Variants in SLC14A2 observed in about 807,000 individuals in gnomAD.
SLC14A2 encodes the protein solute carrier family 14 member 2.
SLC14A2 carries 91 observed loss-of-function variants against 104.6 expected under a neutral mutation model. That is an observed-to-expected ratio of 0.87 (90% confidence interval 0.73 to 1.04). The LOEUF is 1.04. Among genes scored for constraint, SLC14A2 ranks in the 50% least tolerant of loss-of-function variants. The pLI, the probability that SLC14A2 is intolerant of heterozygous loss-of-function variation, is 0.00. For missense variants in SLC14A2, 1,189 were observed against 1,156.0 expected, an observed-to-expected ratio of 1.03 and a Z score of -0.41; for synonymous variants, 476 against 466.4, an observed-to-expected ratio of 1.02 and a Z score of -0.27.
chr18:45,281,642 T>A (rs2084763582), intron 1 of SLC14A2, among the ~76,000 whole-genome samples: 1 of 152,174 alleles, frequency 6.6e-6, no homozygotes, highest in East Asian at 1.9e-4. Context: ...GGGGGTGCAA[T>A]TTAGAAGTAT....
chr18:45,518,898 A>G (rs956296637), intron 2 of SLC14A2, among the ~76,000 whole-genome samples: 1 of 152,168 alleles, frequency 6.6e-6, no homozygotes, highest in Non-Finnish European at 1.5e-5. Flanking sequence ...GGAAAACGAG[A>G]TGTGTCCACT....
At position 45,673,671 on chromosome 18, in the gene SLC14A2, C is replaced by G. The variant is rs995856370; in HGVS notation, c.2378-12C>G. The G allele has an allele frequency of 1.9e-6, 3 of 1,612,666 alleles. No individual in the cohort carries two copies. The highest frequency in any genetic ancestry group is 2.5e-6 in the Non-Finnish European group (3 of 1,178,766). On this transcript the variant is annotated splice_polypyrimidine_tract_variant and intron_variant, in intron 17 of 19. Coordinates refer to ENST00000255226, the MANE Select transcript of SLC14A2 (RefSeq NM_007163.4). Reference sequence around the variant, plus strand: ...CCCTAGACCCAACCCTGATGCCTGCCTTCTGTCACAGCACTCACTATTGCG... The same window carrying G: ...CCCTAGACCCAACCCTGATGCCTGCGTTCTGTCACAGCACTCACTATTGCG...
the SLC14A2 span, among the ~76,000 whole-genome samples, chr18:45,203,448 T>C: frequency 8.5e-5 from 13 of 152,294 alleles, no homozygotes; most frequent in African/African-American, 2.9e-4. Flanking sequence ...GAAATCCTTC[T>C]TTTCCACCTG....
At chr18:45,382,954 G>C (rs538337296) in intron 1 of SLC14A2, among the ~76,000 whole-genome samples, 8 of 152,278 alleles carry the variant, frequency 5.3e-5, no homozygotes, top group African/African-American at 1.7e-4. Context: ...GGTTGATATT[G>C]GTTGTCTCCA....
At chr18:45,587,601 C>A (rs767746950) in intron 2 of SLC14A2, among the ~76,000 whole-genome samples, 7 of 152,150 alleles carry the variant, frequency 4.6e-5, no homozygotes, top group Non-Finnish European at 1.0e-4. Context: ...GATACAGAAC[C>A]TTTCAAGGCA....
chr18:45,549,515 CA>C (rs1188886120), intron 2 of SLC14A2, among the ~76,000 whole-genome samples: 3 of 152,214 alleles, frequency 2.0e-5, no homozygotes, highest in Admixed American at 6.5e-5. Context: ...GGGAGGGAAG[CA>C]GGGGGGAAGA....
chr18:45,522,139 C>T (rs1231905155), intron 2 of SLC14A2, among the ~76,000 whole-genome samples: 1 of 152,200 alleles, frequency 6.6e-6, no homozygotes, highest in Non-Finnish European at 1.5e-5. Flanking sequence ...CCATCCTTCA[C>T]GTGGGGTTAC....
chr18:45,446,482 C>T (rs528665043), intron 1 of SLC14A2, among the ~76,000 whole-genome samples: 1 of 152,300 alleles, frequency 6.6e-6, no homozygotes, highest in East Asian at 1.9e-4. Flanking sequence ...ATGCTGGCAC[C>T]CTTGTCTTAG....
chr18:45,645,280 A>G (rs1390353914), intron 10 of SLC14A2, among the ~76,000 whole-genome samples: 2 of 152,092 alleles, frequency 1.3e-5, no homozygotes, highest in Admixed American at 6.6e-5. Context: ...TTGCTATTGT[A>G]TACAGTGCTG....
At chr18:45,178,357 AAGT>A in the SLC14A2 span, among the ~76,000 whole-genome samples, 4 of 152,306 alleles carry the variant, frequency 2.6e-5, no homozygotes, top group South Asian at 6.2e-4. Context: ...ATAAAAACAT[AAGT>A]AGATGAAATG....
At chr18:45,208,380 C>A (rs58235358), upstream of SLC14A2, among the ~76,000 whole-genome samples, 1,702 of 152,212 alleles carry the variant, frequency 0.011, 37 homozygotes, top group African/African-American at 0.039. Context: ...ACCCTGCTTG[C>A]GGACGTTCAT....
chr18:45,486,098 T>C lies in SLC14A2; in HGVS notation c.-35+2776T>C, dbSNP rs149060917. ...TGCTTTGAAAAGCATACCATCTAGA[T>C]AAGTGTGGAAGAAAGTCATCATTAG... On this transcript the variant is annotated intron_variant, in intron 2 of 20. Coordinates refer to the SLC14A2 transcript ENST00000586448. Among the ~76,000 whole-genome samples the C allele has an allele frequency of 4.8e-3, 727 of 152,264 alleles. 3 individuals are homozygous for C. The highest frequency in any genetic ancestry group is 7.2e-3 in the Non-Finnish European group (487 of 68,012).
chr18:45,556,782 G>A (rs2044138673), intron 2 of SLC14A2, among the ~76,000 whole-genome samples: 1 of 152,156 alleles, frequency 6.6e-6, no homozygotes, highest in Non-Finnish European at 1.5e-5. Flanking sequence ...TGTTGACTGT[G>A]CCTGCCAAAA....
chr18:45,583,517 A>G (rs1467769055), intron 2 of SLC14A2, among the ~76,000 whole-genome samples: 2 of 152,238 alleles, frequency 1.3e-5, no homozygotes, highest in Admixed American at 1.3e-4. Context: ...TTAAATCTAC[A>G]TGGTCTAAAA....
chr18:45,436,262 A>G (rs2086595582), intron 1 of SLC14A2, among the ~76,000 whole-genome samples: 1 of 152,250 alleles, frequency 6.6e-6, no homozygotes, highest in African/African-American at 2.4e-5. Context: ...GTCAATGTGC[A>G]AATGGACTTA....
chr18:45,528,290 T>A (rs1352018721), intron 2 of SLC14A2: 2 of 151,732 alleles, frequency 1.3e-5, no homozygotes, highest in Non-Finnish European at 2.9e-5. Flanking sequence ...TCTAGATTTA[T>A]ACAGGGAGGT....
At chr18:45,512,129 T>G (rs1488631053) in intron 2 of SLC14A2, among the ~76,000 whole-genome samples, 2 of 152,164 alleles carry the variant, frequency 1.3e-5, no homozygotes, top group South Asian at 2.1e-4. Flanking sequence ...GGAGCCCAGA[T>G]GCATGTACAG....
intron 2 of SLC14A2, among the ~76,000 whole-genome samples, chr18:45,606,752 ACAAAAAC>A (rs2044878391): frequency 5.1e-4 from 8 of 15,790 alleles, no homozygotes; most frequent in South Asian, 2.9e-3. Context: ...AAAAAACAAA[ACAAAAAC>A]AAAAAAAAAA....
chr18:45,474,698 G>T (rs2087323556), intron 1 of SLC14A2, among the ~76,000 whole-genome samples: 1 of 152,104 alleles, frequency 6.6e-6, no homozygotes, highest in African/African-American at 2.4e-5. Context: ...ATAGTAGTTT[G>T]CATTTCCGTA....
Sources: allele counts gnomAD v4.1 joint callset (sites outside exome capture counted in the v4.1 genomes callset), GRCh38; gene constraint gnomAD v4.1.1; transcripts MANE v1.5; gene names NCBI Gene and HGNC (gene_info 2026-07-23, HGNC 2026-07-21).